The following NKAIN3 variants were observed in gnomAD, a reference collection of about 807,000 sequenced individuals.
NKAIN3 encodes the protein sodium/potassium-transporting ATPase subunit beta-1-interacting protein 3.
A neutral mutation model predicts 30.2 loss-of-function variants in NKAIN3; 25 were observed. The ratio of observed to expected loss-of-function variants is 0.83; its 90% CI spans 0.60 to 1.16. The LOEUF is 1.16. Among genes scored for constraint, NKAIN3 ranks in the 50% most tolerant of loss-of-function variants. NKAIN3 has a pLI of 0.00. For synonymous variants in NKAIN3, 91 were observed against 89.6 expected, an observed-to-expected ratio of 1.02 and a Z score of -0.09; for missense variants, 225 against 254.1, an observed-to-expected ratio of 0.89 and a Z score of 0.78.
At chr8:62,860,882 T>TC (rs1820218600) in intron 4 of NKAIN3, among the ~76,000 whole-genome samples, 1 of 152,192 alleles carries the variant, frequency 6.6e-6, no homozygotes, top group Admixed American at 6.5e-5. Context: ...GACTAATTTT[T>TC]CTCTAAGGGG....
intron 3 of NKAIN3, among the ~76,000 whole-genome samples, chr8:62,646,860 AAGAT>A (rs1812476480): frequency 6.6e-6 from 1 of 152,164 alleles, no homozygotes; most frequent in Non-Finnish European, 1.5e-5. Context: ...TAAAAACTCC[AAGAT>A]AGACAATCAT....
chr8:62,500,421 AAAGGAAAG>A (rs1807389439), intron 1 of NKAIN3, among the ~76,000 whole-genome samples: 1 of 130,160 alleles, frequency 7.7e-6, no homozygotes, highest in Non-Finnish European at 1.6e-5. Context: ...AAGAAGGAAG[AAAGGAAAG>A]AAAGAAAGAA....
intron 3 of NKAIN3, among the ~76,000 whole-genome samples, chr8:62,652,167 C>T (rs1812642128): frequency 6.6e-6 from 1 of 152,074 alleles, no homozygotes; most frequent in African/African-American, 2.4e-5. Flanking sequence ...ATGCCATCAT[C>T]TTGGGGATTA....
chr8:62,376,162 G>A (rs377235732), intron 1 of NKAIN3, among the ~76,000 whole-genome samples: 11 of 152,192 alleles, frequency 7.2e-5, no homozygotes, highest in African/African-American at 2.7e-4. Flanking sequence ...CCCAGACACA[G>A]GGAGCTTCTC....
chr8:62,318,976 G>A (rs1374205069), intron 1 of NKAIN3, among the ~76,000 whole-genome samples: 1 of 152,012 alleles, frequency 6.6e-6, no homozygotes, highest in Admixed American at 6.6e-5. Context: ...ACTTTTTTTG[G>A]TTGGTAAGCT....
chr8:62,962,577 T>C (rs1823598690), intron 6 of NKAIN3, among the ~76,000 whole-genome samples: 1 of 152,206 alleles, frequency 6.6e-6, no homozygotes, highest in Admixed American at 6.5e-5. Flanking sequence ...TCTGTGCCAC[T>C]GTGGGATATT....
chr8:62,405,098 C>T (rs1001656717), intron 1 of NKAIN3, among the ~76,000 whole-genome samples: 3 of 152,120 alleles, frequency 2.0e-5, no homozygotes, highest in Non-Finnish European at 2.9e-5. Flanking sequence ...TGCCTGGTAC[C>T]GTATCCTACT....
intron 4 of NKAIN3, among the ~76,000 whole-genome samples, chr8:62,791,638 A>T (rs1335127872): frequency 4.6e-5 from 7 of 152,102 alleles, no homozygotes; most frequent in African/African-American, 1.7e-4. Context: ...CCTGATTGAT[A>T]CCAGTTATGT....
At chr8:62,960,873 C>T (rs184039192) in intron 6 of NKAIN3, among the ~76,000 whole-genome samples, 136 of 152,146 alleles carry the variant, frequency 8.9e-4, no homozygotes, top group African/African-American at 3.2e-3. Flanking sequence ...TATCTACAAA[C>T]GTCTGCAAAC....
At chr8:62,902,191 C>A (rs1425270313) in intron 4 of NKAIN3, among the ~76,000 whole-genome samples, 1 of 152,168 alleles carries the variant, frequency 6.6e-6, no homozygotes, top group African/African-American at 2.4e-5. Flanking sequence ...ATTTGAGGAT[C>A]CATTGGCACA....
intron 1 of NKAIN3, among the ~76,000 whole-genome samples, chr8:62,287,882 T>C (rs768567041): frequency 2.0e-5 from 3 of 152,180 alleles, no homozygotes; most frequent in Admixed American, 6.6e-5. Context: ...AGGCATCTCA[T>C]GCCCTCTGGT....
intron 4 of NKAIN3, chr8:62,855,755 A>C: frequency 1.5e-6 from 2 of 1,326,458 alleles, no homozygotes; most frequent in Non-Finnish European, 2.2e-6. Context: ...TGGAGTTGCC[A>C]TGACTTTCAG....
At chr8:62,332,885 G>T (rs1345308393) in intron 1 of NKAIN3, among the ~76,000 whole-genome samples, 1 of 152,036 alleles carries the variant, frequency 6.6e-6, no homozygotes, top group African/African-American at 2.4e-5. Context: ...AACTTAGCTA[G>T]GCATTTTGGC....
At chr8:62,380,448 T>C (rs547609574) in intron 1 of NKAIN3, among the ~76,000 whole-genome samples, 1 of 152,318 alleles carries the variant, frequency 6.6e-6, no homozygotes, top group African/African-American at 2.4e-5. Context: ...TTCAGTGTTT[T>C]TCTGGCTCAT....
intron 4 of NKAIN3, among the ~76,000 whole-genome samples, chr8:62,810,501 G>C (rs535727020): frequency 3.9e-5 from 6 of 152,196 alleles, no homozygotes; most frequent in African/African-American, 1.4e-4. Flanking sequence ...TTTTTCATTT[G>C]TAAAATGTAA....
intron 5 of NKAIN3, among the ~76,000 whole-genome samples, chr8:62,946,313 G>A (rs949027267): frequency 6.6e-6 from 1 of 152,134 alleles, no homozygotes; most frequent in Non-Finnish European, 1.5e-5. Flanking sequence ...GACCCATCAT[G>A]GTGCCTTGGT....
intron 3 of NKAIN3, among the ~76,000 whole-genome samples, chr8:62,628,075 T>G (rs1417316311): frequency 6.6e-6 from 1 of 152,102 alleles, no homozygotes; most frequent in African/African-American, 2.4e-5. Flanking sequence ...CTATAAATGC[T>G]GGTTACGTTC....
chr8:62,570,777 C>A (rs34089588), intron 1 of NKAIN3, among the ~76,000 whole-genome samples: 61,139 of 151,818 alleles, frequency 0.4, 13,167 homozygotes, highest in Non-Finnish European at 0.49. Flanking sequence ...ACCAATCATG[C>A]CTTTCCAACA....
At chr8:62,311,376 A>G (rs978005633) in intron 1 of NKAIN3, among the ~76,000 whole-genome samples, 1 of 150,414 alleles carries the variant, frequency 6.6e-6, no homozygotes, top group African/African-American at 2.5e-5. Flanking sequence ...GTTAGTCCTC[A>G]CAAAAGGCAG....
Sources: gnomAD v4.1 joint callset for allele counts (sites outside exome capture counted in the v4.1 genomes callset) on GRCh38, gnomAD v4.1.1 for gene constraint, MANE v1.5 for transcripts, NCBI Gene and HGNC (gene_info 2026-07-23, HGNC 2026-07-21) for gene names.